FRMD8: variants seen among roughly 807,000 people sequenced by gnomAD.
The protein encoded by FRMD8 is FERM domain-containing protein 8.
Under a neutral mutation model 54.2 loss-of-function variants are expected in FRMD8, and 37 were observed. The ratio of observed to expected loss-of-function variants is 0.68; its 90% CI spans 0.53 to 0.90. The LOEUF is 0.90. Among genes scored for constraint, FRMD8 ranks in the 40% least tolerant of loss-of-function variants. The pLI is 0.00. For synonymous variants in FRMD8, 246 were observed against 286.9 expected, an observed-to-expected ratio of 0.86 and a Z score of 1.44; for missense variants, 585 against 653.7, an observed-to-expected ratio of 0.89 and a Z score of 1.15.
At chr11:65,372,209 G>A in the FRMD8 span, among the ~76,000 whole-genome samples, 1 of 152,198 alleles carries the variant, frequency 6.6e-6, no homozygotes, top group East Asian at 1.9e-4. Flanking sequence ...ACCATGCCTA[G>A]CCAACATCTA....
At chr11:65,383,782 C>CAAACA (rs1401638715), upstream of FRMD8, 3 of 87,422 alleles carry the variant, frequency 3.4e-5, no homozygotes, top group African/African-American at 7.6e-5. Flanking sequence ...AACAAACAAA[C>CAAACA]AAAAAAAAAA....
the FRMD8 span, among the ~76,000 whole-genome samples, chr11:65,369,961 G>A: frequency 6.6e-6 from 1 of 151,286 alleles, no homozygotes; most frequent in African/African-American, 2.4e-5. Context: ...AACCCAGGAG[G>A]TGGAAGTTGC....
In FRMD8 at chr11:65,404,853, C is replaced by T. The variant is rs1347901933; in HGVS notation, c.1072-11C>T. 3.7e-6 allele frequency: 6 copies of T among 1,607,144 alleles called. No homozygotes were observed. Among genetic ancestry groups the T allele is most frequent in the East Asian group, 4.5e-5 (2 of 44,734 alleles). ...CCCTGGCCAGGCCTCACACTGCCCCCTCCTCCCCAGGCCGAACTGATGAGC... is the reference window on the plus strand; with the variant it reads ...CCCTGGCCAGGCCTCACACTGCCCCTTCCTCCCCAGGCCGAACTGATGAGC... On this transcript the variant is annotated splice_polypyrimidine_tract_variant and intron_variant, in intron 9 of 10. Transcript: ENST00000317568. The surrounding 1 kb of genome is among the most constrained non-coding windows in gnomAD (Gnocchi z 4.7).
chr11:65,386,974 G>T, intron 1 of FRMD8, 63 bp from the exon 2 acceptor site: 1 of 1,437,176 alleles, frequency 7.0e-7, no homozygotes, highest in Admixed American at 1.8e-5. Context: ...CCGAGAGCTT[G>T]AGGAGACCTC....
Position 65,411,460 on chromosome 11 carries a change from C to A in FRMD8, c.*100C>A, listed in dbSNP as rs567285199. The A allele has an allele frequency of 4.2e-6, 3 of 719,766 alleles. No homozygotes were observed. The East Asian group carries it at 9.4e-5, about 23-fold the overall frequency. 44.6% of individuals were successfully genotyped at this position (719,766 alleles called of 1,614,324 possible). ...GCTGCAACAGTCTCATGGGTCACCA[C>A]GTGGGGAGGGCTGCCTCAGCAGGTT... On this transcript the variant is annotated 3_prime_UTR_variant, in exon 11 of 11. Transcript: ENST00000317568.
At position 65,413,291 on chromosome 11, in the gene FRMD8, C is replaced by T. The variant is rs140067318; in HGVS notation, c.*1931C>T. On this transcript the variant is annotated 3_prime_UTR_variant, in exon 11 of 11. Transcript: ENST00000317568. Reference sequence around the variant, plus strand: ...CGTGAGCCACCGCCCCCAGCTGATTCCAGGCGAATTCTTCTCTGATGGGCG... The same window carrying T: ...CGTGAGCCACCGCCCCCAGCTGATTTCAGGCGAATTCTTCTCTGATGGGCG... The T allele has an allele frequency of 8.7e-3, 1,324 of 152,356 alleles. 7 individuals carry two copies. Among genetic ancestry groups the T allele is most frequent in the Non-Finnish European group, 0.015 (1,009 of 68,088 alleles). The allele number at this position is 152,356 out of a possible 1,614,324, so 9.4% of individuals were successfully genotyped here.
At chr11:65,388,604 A>G (rs1855779446) in intron 2 of FRMD8, among the ~76,000 whole-genome samples, 1 of 152,002 alleles carries the variant, frequency 6.6e-6, no homozygotes, top group South Asian at 2.1e-4. Context: ...AGTCTCAGGG[A>G]TGGGGATTTG....
At chr11:65,407,034 T>C (rs780300188) in intron 10 of FRMD8, among the ~76,000 whole-genome samples, 1 of 152,120 alleles carries the variant, frequency 6.6e-6, no homozygotes, top group African/African-American at 2.4e-5. Flanking sequence ...GGAAAAACTA[T>C]TGAAGTCCAA....
At chr11:65,388,940 C>A (rs1855785350) in intron 2 of FRMD8, among the ~76,000 whole-genome samples, 1 of 151,982 alleles carries the variant, frequency 6.6e-6, no homozygotes. Flanking sequence ...CCTCTCTATG[C>A]TGTGGTTTCA....
chr11:65,408,368 C>T (rs1856255951), intron 10 of FRMD8, among the ~76,000 whole-genome samples: 1 of 151,936 alleles, frequency 6.6e-6, no homozygotes, highest in African/African-American at 2.4e-5. Flanking sequence ...GCCACCGCGC[C>T]CAGCCCTAGA....
rs1045168805 is a variant in FRMD8, at chr11:65,397,516, G to T, written c.803+496G>T. ...GAGGATGGGGTGTGGCTTGGGCCTT[G>T]TGGTCAGAACAGGTGAGATGGTCAG... is the stretch of plus-strand genomic sequence containing the variant. On this transcript the variant is annotated intron_variant, in intron 7 of 10. Transcript: ENST00000317568. Among the ~76,000 whole-genome samples, 6 of 152,314 alleles carry T rather than the reference G, an allele frequency of 3.9e-5. No homozygotes were observed. In the South Asian group the frequency reaches 1.2e-3, roughly 32 times the overall value.
At chr11:65,409,690 C>A (rs1480413892) in intron 10 of FRMD8, among the ~76,000 whole-genome samples, 1 of 150,554 alleles carries the variant, frequency 6.6e-6, no homozygotes, top group African/African-American at 2.4e-5. Flanking sequence ...CACCTGAGCC[C>A]AGAGGGTTAC....
the FRMD8 span, chr11:65,375,075 T>A: frequency 6.6e-6 from 1 of 152,102 alleles, no homozygotes. Flanking sequence ...GCAGGTGACC[T>A]CGAGAAGGGT....
intron 9 of FRMD8, among the ~76,000 whole-genome samples, chr11:65,401,361 C>CTCCCTCCCCTGCT (rs1328467095): frequency 5.3e-4 from 20 of 38,008 alleles, no homozygotes; most frequent in African/African-American, 1.5e-3. Flanking sequence ...CCTCCCCTGC[C>CTCCCTCCCCTGCT]TCCCTCCCCT....
rs1016358996 is a variant in FRMD8 at position 65,406,977 on chromosome 11, T to C, written c.1276+1909T>C. Among the ~76,000 whole-genome samples the C allele has an allele frequency of 3.3e-5, 5 of 151,812 alleles. No homozygotes were observed. In the South Asian group the frequency reaches 8.3e-4, roughly 25 times the overall value. On this transcript the variant is annotated intron_variant, in intron 10 of 10. Coordinates refer to ENST00000317568, the MANE Select transcript of FRMD8 (RefSeq NM_031904.5). ...TAAATAAATAAATAATAAAAAGGAA[T>C]ACCCTAAATGCATCTTGTGTCAGAT... is the stretch of plus-strand genomic sequence containing the variant.
intron 3 of FRMD8, among the ~76,000 whole-genome samples, chr11:65,390,643 C>T (rs924770996): frequency 1.3e-5 from 2 of 152,034 alleles, no homozygotes; most frequent in African/African-American, 2.4e-5. Flanking sequence ...CCCGGCTCCT[C>T]GGCCACCTCA....
chr11:65,394,140 T>G, intron 5 of FRMD8, 41 bp downstream of exon 5: 2 of 1,608,786 alleles, frequency 1.2e-6, no homozygotes, highest in East Asian at 2.2e-5. Context: ...GCCTGGCCCC[T>G]TGTGCCCAGC....
chr11:65,410,798 CAAAA>C (rs748429867), intron 10 of FRMD8, among the ~76,000 whole-genome samples: 3 of 150,374 alleles, frequency 2.0e-5, no homozygotes, highest in Admixed American at 6.6e-5. Context: ...TCAAAACAAA[CAAAA>C]AAAAACAAAC....
At position 65,400,882 on chromosome 11, in the gene FRMD8, G is replaced by A. The variant is rs1171281601; in HGVS notation, c.1071+15G>A. On this transcript the variant is annotated intron_variant, in intron 9 of 10. Coordinates refer to ENST00000317568, the MANE Select transcript of FRMD8 (RefSeq NM_031904.5). This position sits in a 1 kb window ranked among gnomAD's most constrained non-coding sequence, Gnocchi z 4.3. ...ACTCCAAGCAGGTAGCGCGGGTGGTGCCTGCACACGGGTGGGGAGGCTGGG... is the reference window on the plus strand; with the variant it reads ...ACTCCAAGCAGGTAGCGCGGGTGGTACCTGCACACGGGTGGGGAGGCTGGG... 4.4e-6 allele frequency: 7 copies of A among 1,586,734 alleles called. No homozygotes were observed. Among genetic ancestry groups the A allele is most frequent in the East Asian group, 4.5e-5 (2 of 44,304 alleles).
Sources: allele counts gnomAD v4.1 joint callset (sites outside exome capture counted in the v4.1 genomes callset), GRCh38; gene constraint gnomAD v4.1.1; non-coding constraint Gnocchi (gnomAD v3.1); transcripts MANE v1.5; gene names NCBI Gene and HGNC (gene_info 2026-07-23, HGNC 2026-07-21).